The following GLRA1 variants were observed in gnomAD, a reference collection of about 807,000 sequenced individuals.
GLRA1 encodes glycine receptor alpha 1.
Under a neutral mutation model 48.3 loss-of-function variants are expected in GLRA1, and 37 were observed. That is an observed-to-expected ratio of 0.77 (90% CI 0.59 to 1.01). The LOEUF (loss-of-function observed/expected upper bound fraction) is 1.01. Ranked by LOEUF, GLRA1 falls within the 50% of genes least tolerant of loss-of-function variation. The pLI, the probability that GLRA1 is intolerant of heterozygous loss-of-function variation, is 0.00. For synonymous variants in GLRA1, 196 were observed against 210.7 expected (o/e 0.93, Z 0.60); for missense variants, 427 against 571.0 (o/e 0.75, Z 2.57).
At chr5:151,888,311 T>C (rs1753969745) in intron 2 of GLRA1, among the ~76,000 whole-genome samples, 1 of 152,148 alleles carries the variant, frequency 6.6e-6, no homozygotes, top group Non-Finnish European at 1.5e-5. Context: ...AGAAACTAGG[T>C]TTTTCCTTCA....
chr5:151,856,545 A>T (rs1753048910), intron 4 of GLRA1, among the ~76,000 whole-genome samples, 162 bp from the exon 5 acceptor site: 2 of 151,082 alleles, frequency 1.3e-5, no homozygotes, highest in African/African-American at 4.9e-5. Context: ...GAGAGATGAG[A>T]TCTCTCTTTG....
chr5:151,860,324 C>T (rs1581624242), intron 3 of GLRA1, among the ~76,000 whole-genome samples: 1 of 152,124 alleles, frequency 6.6e-6, no homozygotes, highest in African/African-American at 2.4e-5. Context: ...CACTTGTTTT[C>T]ATCATCCTGT....
At chr5:151,914,526 G>T (rs1271224366) in intron 1 of GLRA1, among the ~76,000 whole-genome samples, 1 of 152,138 alleles carries the variant, frequency 6.6e-6, no homozygotes, top group Non-Finnish European at 1.5e-5. Flanking sequence ...AATGTCTTTG[G>T]TCTGAGTATA....
intron 7 of GLRA1, among the ~76,000 whole-genome samples, chr5:151,845,415 C>G (rs1006400517): frequency 5.3e-5 from 8 of 152,116 alleles, no homozygotes; most frequent in Non-Finnish European, 8.8e-5. Flanking sequence ...GTGAGTGGAG[C>G]AGAAATGCAG....
chr5:151,854,259 C>T (rs1482077976), intron 6 of GLRA1, among the ~76,000 whole-genome samples: 2 of 152,200 alleles, frequency 1.3e-5, no homozygotes, highest in Non-Finnish European at 2.9e-5. Context: ...CAGACTGCAG[C>T]CCAGGCTGCC....
chr5:151,884,129 A>G (rs1753835141), intron 3 of GLRA1, among the ~76,000 whole-genome samples: 1 of 152,260 alleles, frequency 6.6e-6, no homozygotes, highest in African/African-American at 2.4e-5. Context: ...AGCATGGACA[A>G]TGATAAACAT....
At chr5:151,905,195 A>G (rs564939215) in intron 1 of GLRA1, among the ~76,000 whole-genome samples, 10 of 152,286 alleles carry the variant, frequency 6.6e-5, no homozygotes, top group African/African-American at 2.4e-4. Flanking sequence ...TAAAGCAAAA[A>G]ATGCACATTG....
At chr5:151,833,718 C>A (rs868264939) in intron 7 of GLRA1, among the ~76,000 whole-genome samples, 1 of 147,404 alleles carries the variant, frequency 6.8e-6, no homozygotes, top group African/African-American at 2.5e-5. Flanking sequence ...CTGCCTCGGC[C>A]TCCCAGCGTG....
At chr5:151,881,179 G>A (rs1753751281) in intron 3 of GLRA1, among the ~76,000 whole-genome samples, 1 of 152,174 alleles carries the variant, frequency 6.6e-6, no homozygotes, top group African/African-American at 2.4e-5. Context: ...AGATGCTCCA[G>A]TGCACACACT....
intron 2 of GLRA1, among the ~76,000 whole-genome samples, chr5:151,890,766 G>A (rs1754045780): frequency 6.6e-6 from 1 of 152,180 alleles, no homozygotes. Context: ...CTAGGTATTA[G>A]AGGTTGTGAC....
At chr5:151,913,622 G>C (rs1754668315) in intron 1 of GLRA1, among the ~76,000 whole-genome samples, 1 of 149,788 alleles carries the variant, frequency 6.7e-6, no homozygotes, top group African/African-American at 2.6e-5. Flanking sequence ...ATATTCCTGA[G>C]TGATAAAAGA....
At chr5:151,869,571 T>C (rs1261572925) in intron 3 of GLRA1, among the ~76,000 whole-genome samples, 1 of 139,640 alleles carries the variant, frequency 7.2e-6, no homozygotes, top group Non-Finnish European at 1.5e-5. Context: ...AAAATTAGCC[T>C]GTACTTGGTG....
intron 1 of GLRA1, among the ~76,000 whole-genome samples, chr5:151,923,265 G>A (rs1295220566): frequency 1.3e-5 from 2 of 152,172 alleles, no homozygotes; most frequent in Admixed American, 1.3e-4. Context: ...ACTATTTGAG[G>A]GGAGGTGTCA....
intron 2 of GLRA1, 85 bp downstream of exon 2, chr5:151,892,226 A>T (rs1754095035): frequency 2.6e-5 from 32 of 1,231,600 alleles, no homozygotes; most frequent in Non-Finnish European, 3.6e-5. Flanking sequence ...CTGCGTATTT[A>T]CCATCTGCGT....
chr5:151,903,858 A>C (rs1754417720), intron 1 of GLRA1, among the ~76,000 whole-genome samples: 1 of 152,182 alleles, frequency 6.6e-6, no homozygotes, highest in African/African-American at 2.4e-5. Context: ...CAGATGAGAA[A>C]ACTGAGACTT....
At chr5:151,835,019 CAA>C (rs1763532560) in intron 7 of GLRA1, among the ~76,000 whole-genome samples, 1 of 48,412 alleles carries the variant, frequency 2.1e-5, no homozygotes, top group South Asian at 8.5e-4. Context: ...CAGAGCGAGA[CAA>C]CATCTCAAAA....
At chr5:151,879,329 C>CTTTT (rs35141091) in intron 3 of GLRA1, among the ~76,000 whole-genome samples, 153 of 148,084 alleles carry the variant, frequency 1.0e-3, no homozygotes, top group East Asian at 4.2e-3. Context: ...AACTAACTTC[C>CTTTT]TTTTTTTTTT....
At chr5:151,890,392 T>TGAG (rs1373500096) in intron 2 of GLRA1, among the ~76,000 whole-genome samples, 1 of 152,146 alleles carries the variant, frequency 6.6e-6, no homozygotes, top group African/African-American at 2.4e-5. Context: ...CCATGGCCCC[T>TGAG]CCACTCAGGA....
intron 5 of GLRA1, 137 bp from the exon 6 acceptor site, chr5:151,855,314 C>T: frequency 2.5e-6 from 2 of 801,034 alleles, no homozygotes; most frequent in South Asian, 3.1e-5. Flanking sequence ...CCTTTTTTTT[C>T]CTCTCAAAAG....
Sources: gnomAD v4.1 joint callset for allele counts (sites outside exome capture counted in the v4.1 genomes callset) on GRCh38, gnomAD v4.1.1 for gene constraint, MANE v1.5 for transcripts, NCBI Gene and HGNC (gene_info 2026-07-23, HGNC 2026-07-21) for gene names.